The following LURAP1L variants were observed in gnomAD, a reference collection of about 807,000 sequenced individuals.
The protein encoded by LURAP1L is leucine rich adaptor protein 1 like, also known as leucine rich adaptor protein 1-like.
LURAP1L carries 12 observed loss-of-function variants against 13.8 expected under a neutral mutation model. That is an observed-to-expected ratio of 0.87 (90% CI 0.56 to 1.41). LURAP1L has a LOEUF of 1.41. Among genes scored for constraint, LURAP1L ranks in the 40% most tolerant of loss-of-function variants. The pLI is 0.00. For missense variants in LURAP1L, 375 were observed against 292.9 expected (o/e 1.28, Z -2.04); for synonymous variants, 139 against 119.2 (o/e 1.17, Z -1.08).
chr9:12,797,324 A>G (rs1175444732), intron 1 of LURAP1L, among the ~76,000 whole-genome samples: 1 of 152,126 alleles, frequency 6.6e-6, no homozygotes, highest in Non-Finnish European at 1.5e-5. Context: ...TACTACTGCT[A>G]TGGTTGAAGA....
chr9:12,789,155 T>C (rs1819406032), intron 1 of LURAP1L, among the ~76,000 whole-genome samples: 1 of 151,128 alleles, frequency 6.6e-6, no homozygotes, highest in Non-Finnish European at 1.5e-5. Flanking sequence ...AATTAAAATG[T>C]TGGGCTTTGG....
At chr9:12,820,280 G>T (rs552490477) in intron 1 of LURAP1L, among the ~76,000 whole-genome samples, 6 of 152,010 alleles carry the variant, frequency 3.9e-5, no homozygotes, top group Admixed American at 3.9e-4. Context: ...CGAGGCGGGC[G>T]GATCACGCGG....
chr9:12,820,319 A>G (rs531402623), intron 1 of LURAP1L, among the ~76,000 whole-genome samples: 5 of 152,196 alleles, frequency 3.3e-5, no homozygotes, highest in Non-Finnish European at 7.4e-5. Context: ...CCTGGCCAAC[A>G]TGGTGAAACT....
At chr9:12,811,904 A>C (rs1289859759) in intron 1 of LURAP1L, among the ~76,000 whole-genome samples, 1 of 152,164 alleles carries the variant, frequency 6.6e-6, no homozygotes, top group African/African-American at 2.4e-5. Flanking sequence ...AGTCATCTCA[A>C]GGCTCGATCC....
intron 1 of LURAP1L, among the ~76,000 whole-genome samples, chr9:12,820,132 A>C (rs1038879732): frequency 2.6e-5 from 4 of 152,186 alleles, no homozygotes; most frequent in Admixed American, 2.6e-4. Flanking sequence ...TGTTTACAGT[A>C]AACTGTGGGA....
intron 1 of LURAP1L, among the ~76,000 whole-genome samples, chr9:12,796,314 C>T (rs1389260895): frequency 1.3e-5 from 2 of 151,892 alleles, no homozygotes; most frequent in African/African-American, 2.4e-5. Context: ...TATCCAGAGG[C>T]CATTTTTGTT....
At chr9:12,781,798 A>T (rs1164813735) in intron 1 of LURAP1L, among the ~76,000 whole-genome samples, 1 of 152,134 alleles carries the variant, frequency 6.6e-6, no homozygotes, top group Non-Finnish European at 1.5e-5. Context: ...TGGATTATAT[A>T]TTAGTTCTAA....
Position 12,775,573 on chromosome 9 carries a change from A to T in LURAP1L, c.-143A>T. The stretch of plus-strand genomic sequence containing the variant: ...CAGGGCTGATACCGCATAGGCGGTT[A>T]TGGAAAGGACGGTACACCGGAGCGG... On this transcript the variant is annotated 5_prime_UTR_variant, in exon 1 of 2. It removes an upstream start codon present in the reference 5' UTR. Transcript: ENST00000319264. The T allele has an allele frequency of 7.4e-7, 1 of 1,356,406 alleles. No individual in the cohort carries two copies. Among genetic ancestry groups the T allele is most frequent in the Non-Finnish European group, 9.7e-7 (1 of 1,036,172 alleles). The allele number at this position is 1,356,406 out of a possible 1,614,324, so 84.0% of individuals were successfully genotyped here. A position where few individuals can be genotyped will look rare whatever the true frequency, so the allele number is the denominator to read the frequency against.
At chr9:12,781,729 A>C (rs996803902) in intron 1 of LURAP1L, among the ~76,000 whole-genome samples, 1 of 152,198 alleles carries the variant, frequency 6.6e-6, no homozygotes, top group Non-Finnish European at 1.5e-5. Flanking sequence ...AGGAGTGAAG[A>C]TATCTATTTG....
chr9:12,818,530 G>T (rs1472221015), intron 1 of LURAP1L, among the ~76,000 whole-genome samples: 1 of 152,136 alleles, frequency 6.6e-6, no homozygotes, highest in Non-Finnish European at 1.5e-5. Context: ...AGTTGAAATT[G>T]CTAAAAGACA....
intron 1 of LURAP1L, among the ~76,000 whole-genome samples, chr9:12,792,040 G>C (rs569009469): frequency 1.4e-4 from 21 of 152,154 alleles, no homozygotes; most frequent in Non-Finnish European, 2.4e-4. Flanking sequence ...AGCATAGGAG[G>C]GTTGATTAGA....
At chr9:12,793,044 G>C (rs547896073) in intron 1 of LURAP1L, among the ~76,000 whole-genome samples, 1 of 152,076 alleles carries the variant, frequency 6.6e-6, no homozygotes, top group South Asian at 2.1e-4. Flanking sequence ...AACATAAGAA[G>C]GACGATTTTG....
chr9:12,817,264 C>T (rs1008889608), intron 1 of LURAP1L, among the ~76,000 whole-genome samples: 7 of 151,988 alleles, frequency 4.6e-5, no homozygotes, highest in East Asian at 1.9e-4. Flanking sequence ...CAGCAAAACC[C>T]GAGATTCCAA....
chr9:12,782,217 CTTTG>C (rs1409117406), intron 1 of LURAP1L, among the ~76,000 whole-genome samples: 3 of 152,182 alleles, frequency 2.0e-5, no homozygotes, highest in Non-Finnish European at 4.4e-5. Flanking sequence ...TGTCTCTCCA[CTTTG>C]TTGGTTGTTT....
Position 12,821,471 on chromosome 9 carries a change from A to T in LURAP1L, c.398A>T (p.Glu133Val), listed in dbSNP as rs761156103. 1.1e-5 allele frequency: 18 copies of T among 1,614,068 alleles called. No homozygotes were observed. The Admixed American group carries it at 3.0e-4, about 27-fold the overall frequency. Residue 133 changes from glutamate to valine, a missense_variant, in exon 2 of 2, where the codon GAA becomes GTA. Coordinates refer to ENST00000319264, the MANE Select transcript of LURAP1L (RefSeq NM_203403.2). The stretch of plus-strand genomic sequence containing the variant: ...ATCGAGTCCATCAAGTGGATGATCG[A>T]AGAAAAAGCCACCATTACCAGCAGA... ...ESIESIKWMI[E>V]EKATITSRGS...
chr9:12,821,315 C>A, intron 1 of LURAP1L, 71 bp from the exon 2 acceptor site: 1 of 1,496,562 alleles, frequency 6.7e-7, no homozygotes, highest in South Asian at 1.3e-5. Flanking sequence ...AGCAGACAGT[C>A]CCCAGATGAA....
intron 1 of LURAP1L, among the ~76,000 whole-genome samples, chr9:12,780,201 A>G (rs1819250177): frequency 6.6e-6 from 1 of 152,212 alleles, no homozygotes; most frequent in Non-Finnish European, 1.5e-5. Context: ...TCTTGTGTTC[A>G]TTTAAGCAGT....
intron 1 of LURAP1L, among the ~76,000 whole-genome samples, chr9:12,779,981 C>A (rs895085738): frequency 6.6e-6 from 1 of 152,164 alleles, no homozygotes; most frequent in Admixed American, 6.5e-5. Context: ...AGTAGTACTT[C>A]CTCTCAGTCC....
chr9:12,810,093 G>C (rs927364716), intron 1 of LURAP1L, among the ~76,000 whole-genome samples: 3 of 152,140 alleles, frequency 2.0e-5, no homozygotes, highest in Non-Finnish European at 4.4e-5. Context: ...TTCCCTTAGG[G>C]ACAAGCTTTT....
Sources: allele counts gnomAD v4.1 joint callset (sites outside exome capture counted in the v4.1 genomes callset), GRCh38; gene constraint gnomAD v4.1.1; transcripts MANE v1.5; gene names NCBI Gene and HGNC (gene_info 2026-07-23, HGNC 2026-07-21).